Variants in SH3BP4 observed in about 807,000 individuals in gnomAD.
The protein encoded by SH3BP4 is SH3 domain binding protein 4.
A neutral mutation model predicts 65.5 loss-of-function variants in SH3BP4; 33 were observed. The ratio of observed to expected loss-of-function variants is 0.50; its 90% confidence interval spans 0.38 to 0.67. The LOEUF (loss-of-function observed/expected upper bound fraction) is 0.67, where lower values mean the gene tolerates loss of function less well. Among genes scored for constraint, SH3BP4 ranks in the 30% least tolerant of loss-of-function variants. The pLI, the probability that SH3BP4 is intolerant of heterozygous loss-of-function variation, is 0.00. For synonymous variants in SH3BP4, 552 were observed against 545.5 expected (o/e 1.01, Z -0.17); for missense variants, 1,134 against 1,261.4 (o/e 0.90, Z 1.53).
chr2:235,027,276 G>A (rs561825952), intron 2 of SH3BP4, among the ~76,000 whole-genome samples: 1 of 152,360 alleles, frequency 6.6e-6, no homozygotes, highest in Non-Finnish European at 1.5e-5. Flanking sequence ...GAGGAGGCTG[G>A]GGTGTTAACC....
At chr2:234,972,667 A>G (rs1275815368) in intron 1 of SH3BP4, among the ~76,000 whole-genome samples, 1 of 152,138 alleles carries the variant, frequency 6.6e-6, no homozygotes, top group Non-Finnish European at 1.5e-5. Flanking sequence ...TCAAGCCTGC[A>G]GTGAGCTGTG....
At chr2:235,008,787 G>A (rs1412982426) in intron 2 of SH3BP4, among the ~76,000 whole-genome samples, 1 of 152,188 alleles carries the variant, frequency 6.6e-6, no homozygotes, top group Non-Finnish European at 1.5e-5. Flanking sequence ...ACCTGGTATG[G>A]GCTTGTAGCA....
intron 2 of SH3BP4, among the ~76,000 whole-genome samples, chr2:235,001,631 T>A (rs973081953): frequency 6.6e-6 from 1 of 152,118 alleles, no homozygotes; most frequent in South Asian, 2.1e-4. Context: ...TTGAATTTGG[T>A]CTTATTCTGA....
intron 2 of SH3BP4, among the ~76,000 whole-genome samples, chr2:235,031,710 CCTT>C (rs904622013): frequency 6.6e-6 from 1 of 152,248 alleles, no homozygotes; most frequent in Non-Finnish European, 1.5e-5. Flanking sequence ...TGGGCCTCCT[CCTT>C]CTCACTGAAC....
chr2:235,044,969 G>T (rs1695798692), intron 4 of SH3BP4, among the ~76,000 whole-genome samples: 1 of 152,212 alleles, frequency 6.6e-6, no homozygotes, highest in Non-Finnish European at 1.5e-5. Flanking sequence ...TGGGTGGGGA[G>T]GAAGCGAACA....
chr2:235,048,735 A>G (rs1480424512), intron 4 of SH3BP4, among the ~76,000 whole-genome samples: 2 of 152,196 alleles, frequency 1.3e-5, no homozygotes, highest in African/African-American at 4.8e-5. Context: ...ACCCATTCCC[A>G]TCTGCATCGT....
In SH3BP4 at chr2:235,035,234, G is replaced by A. The variant is rs1695340971; in HGVS notation, c.118+114G>A. On this transcript the variant is annotated intron_variant, in intron 3 of 5. Coordinates refer to ENST00000392011, the MANE Select transcript of SH3BP4 (RefSeq NM_014521.3). The surrounding 1 kb of genome is among the most constrained non-coding windows in gnomAD (Gnocchi z 5.0). The stretch of plus-strand genomic sequence containing the variant: ...CCAGTTTAGCATTCAGATAGTTAAA[G>A]TTTAGTTCTTTAAACTTCATCATGG... The A allele has an allele frequency of 1.0e-5, 8 of 800,536 alleles. No homozygotes were observed. The highest frequency in any genetic ancestry group is 7.3e-5 in the South Asian group (5 of 68,896). 49.6% of individuals were successfully genotyped at this position (800,536 alleles called of 1,614,324 possible).
intron 2 of SH3BP4, among the ~76,000 whole-genome samples, chr2:235,000,897 T>G (rs1180528323): frequency 6.6e-6 from 1 of 152,230 alleles, no homozygotes; most frequent in Non-Finnish European, 1.5e-5. Context: ...CCCAGCTGCT[T>G]GTGGGCAGGC....
chr2:235,020,221 G>T (rs1271213883), intron 2 of SH3BP4, among the ~76,000 whole-genome samples: 1 of 152,200 alleles, frequency 6.6e-6, no homozygotes, highest in Non-Finnish European at 1.5e-5. Flanking sequence ...TCTTGACCAG[G>T]TTCAGTAACT....
rs904376087 is a variant in SH3BP4, at chr2:234,991,993, C to T, written c.-206-3310C>T. Among the ~76,000 whole-genome samples the T allele has an allele frequency of 6.6e-6, 1 of 152,202 alleles. No individual in the cohort carries two copies. Among genetic ancestry groups the T allele is most frequent in the African/African-American group, 2.4e-5 (1 of 41,448 alleles). On this transcript the variant is annotated intron_variant, in intron 1 of 5. Coordinates refer to ENST00000392011, the MANE Select transcript of SH3BP4 (RefSeq NM_014521.3). The surrounding 1 kb of genome is among the most constrained non-coding windows in gnomAD (Gnocchi z 4.2). ...TCATCCCCCTGTCCAGGGAGCCTGC[C>T]GGGCTCAGCTTCAGGACCACAAGGC... is the stretch of plus-strand genomic sequence containing the variant.
At position 235,037,053 on chromosome 2, in the gene SH3BP4, T is replaced by C. The variant is rs75565889; in HGVS notation, c.118+1933T>C. Among the ~76,000 whole-genome samples, 1,002 of 152,312 alleles carry C rather than the reference T, an allele frequency of 6.6e-3. 5 individuals carry two copies. The highest frequency in any genetic ancestry group is 0.023 in the African/African-American group (941 of 41,570). On this transcript the variant is annotated intron_variant, in intron 3 of 5. Coordinates refer to ENST00000392011, the MANE Select transcript of SH3BP4 (RefSeq NM_014521.3). Reference sequence around the variant, plus strand: ...AGGTGGGAATTTATTTCAGCCAAAGTATCTGCCATGAAACCTTCTACTCTG... The same window carrying C: ...AGGTGGGAATTTATTTCAGCCAAAGCATCTGCCATGAAACCTTCTACTCTG...
chr2:235,042,318 GC>G lies in SH3BP4; in HGVS notation c.1553del (p.Pro518ArgfsTer28). 2.5e-6 allele frequency: 4 copies of G among 1,614,052 alleles called. No homozygotes were observed. Among genetic ancestry groups the G allele is most frequent in the Non-Finnish European group, 3.4e-6 (4 of 1,180,012 alleles). On this transcript the variant is annotated frameshift_variant, in exon 4 of 6. Transcript: ENST00000392011. LOFTEE classifies it high-confidence loss of function. This position sits in a 1 kb window ranked among gnomAD's most constrained non-coding sequence, Gnocchi z 7.3. ...SEVTRQAPNPAPVALQLWGKH... is the reference protein window; with the variant it reads ...SEVTRQAPNPXPVALQLWGKH... ...GGTCACACGCCAGGCACCCAACCCTGCCCCGGTGGCCCTGCAGCTGTGGGGG... is the reference window on the plus strand; with the variant it reads ...GGTCACACGCCAGGCACCCAACCCTGCCCGGTGGCCCTGCAGCTGTGGGGG...
At chr2:235,020,904 A>G (rs11675405) in intron 2 of SH3BP4, among the ~76,000 whole-genome samples, 15,198 of 152,240 alleles carry the variant, frequency 0.1, 1,156 homozygotes, top group East Asian at 0.26. Flanking sequence ...GCCAGACTCT[A>G]GGCAGAGTGT....
chr2:234,993,084 C>A (rs1314804939), intron 1 of SH3BP4, among the ~76,000 whole-genome samples: 1 of 152,218 alleles, frequency 6.6e-6, no homozygotes, highest in Non-Finnish European at 1.5e-5. Flanking sequence ...GGAGCTGGGT[C>A]CTTCTGGGGA....
chr2:234,977,072 G>C lies in SH3BP4; in HGVS notation c.-206-18231G>C, dbSNP rs938207257. On this transcript the variant is annotated intron_variant, in intron 1 of 5. Coordinates refer to ENST00000392011, the MANE Select transcript of SH3BP4 (RefSeq NM_014521.3). This position sits in a 1 kb window ranked among gnomAD's most constrained non-coding sequence, Gnocchi z 5.1. ...GGCGGGAGGCCTGTGGGAATTCTCT[G>C]TATTATCTCCACGACTTTTCTATGA... Among the ~76,000 whole-genome samples the C allele has an allele frequency of 3.9e-5, 6 of 152,218 alleles. No individual in the cohort carries two copies. Among genetic ancestry groups the C allele is most frequent in the African/African-American group, 1.4e-4 (6 of 41,458 alleles).
In SH3BP4 at chr2:235,045,989, CG is replaced by C. The variant is rs747136060; in HGVS notation, c.2478+2746del. ...GTTCCTCTCTCCACTGCCTTTAGAACGGGGTCAGCCTTTGCCCCTGCCCCAC... is the reference window on the plus strand; with the variant it reads ...GTTCCTCTCTCCACTGCCTTTAGAACGGGTCAGCCTTTGCCCCTGCCCCAC... On this transcript the variant is annotated intron_variant, in intron 4 of 5. Coordinates refer to ENST00000392011, the MANE Select transcript of SH3BP4 (RefSeq NM_014521.3). This position sits in a 1 kb window ranked among gnomAD's most constrained non-coding sequence, Gnocchi z 4.3. Among the ~76,000 whole-genome samples, 15 of 152,186 alleles carry C rather than the reference CG, an allele frequency of 9.9e-5. No homozygotes were observed. The South Asian group carries it at 1.7e-3, about 17-fold the overall frequency.
intron 1 of SH3BP4, among the ~76,000 whole-genome samples, chr2:234,957,242 C>A (rs1692608361): frequency 6.6e-6 from 1 of 152,138 alleles, no homozygotes; most frequent in South Asian, 2.1e-4. Context: ...TGGTCTTGAA[C>A]TCCTGACCTC....
intron 4 of SH3BP4, 57 bp downstream of exon 4, chr2:235,043,304 G>T: frequency 2.1e-6 from 3 of 1,419,672 alleles, no homozygotes; most frequent in Admixed American, 2.2e-5. Context: ...AAGCCTTTCC[G>T]CCTTCCCAGT....
chr2:235,038,268 TATATA>T (rs1369579976), intron 3 of SH3BP4, among the ~76,000 whole-genome samples: 612 of 22,234 alleles, frequency 0.028, 44 homozygotes, highest in African/African-American at 0.2. Flanking sequence ...ATATATATTA[TATATA>T]ATATATATTA....
Sources: allele counts gnomAD v4.1 joint callset (sites outside exome capture counted in the v4.1 genomes callset), GRCh38; gene constraint gnomAD v4.1.1; non-coding constraint Gnocchi (gnomAD v3.1); transcripts MANE v1.5; gene names NCBI Gene and HGNC (gene_info 2026-07-23, HGNC 2026-07-21).